Variants in NDC80 observed in about 807,000 individuals in gnomAD.
NDC80 encodes NDC80 kinetochore complex component.
A neutral mutation model predicts 89.3 loss-of-function variants in NDC80; 69 were observed. The observed-to-expected ratio is 0.77, with a 90% CI of 0.64 to 0.94. NDC80 has a LOEUF of 0.94. Among genes scored for constraint, NDC80 ranks in the 40% least tolerant of loss-of-function variants. NDC80 has a pLI of 0.00. For synonymous variants in NDC80, 243 were observed against 255.6 expected, an observed-to-expected ratio of 0.95 and a Z score of 0.47; for missense variants, 593 against 739.6, an observed-to-expected ratio of 0.80 and a Z score of 2.30.
intron 8 of NDC80, among the ~76,000 whole-genome samples, chr18:2,588,736 G>A (rs1002272521): frequency 2.8e-4 from 43 of 152,164 alleles, no homozygotes; most frequent in Non-Finnish European, 1.0e-4. Flanking sequence ...TTTGTTTTAA[G>A]AGAGGAAAAT....
intron 6 of NDC80, among the ~76,000 whole-genome samples, chr18:2,583,660 T>G (rs1324216279): frequency 6.7e-6 from 1 of 148,432 alleles, no homozygotes; most frequent in Non-Finnish European, 1.5e-5. Context: ...TCTCAGCCAC[T>G]GCACTCCAGC....
In NDC80 at chr18:2,582,874, T is replaced by G. The variant is rs917138819; in HGVS notation, c.580-2239T>G. ...TCACTATGCCTCCTTGCACAGAACTTGGCACATAATCAGTCCTTATTACAG... is the reference window on the plus strand; with the variant it reads ...TCACTATGCCTCCTTGCACAGAACTGGGCACATAATCAGTCCTTATTACAG... On this transcript the variant is annotated intron_variant, in intron 6 of 16. Transcript: ENST00000261597. The G allele has an allele frequency of 5.3e-5, 8 of 152,348 alleles. No individual in the cohort carries two copies. The East Asian group carries it at 1.3e-3, about 26-fold the overall frequency. The allele number at this position is 152,348 out of a possible 1,614,324, so 9.4% of individuals were successfully genotyped here. A position where few individuals can be genotyped will look rare whatever the true frequency, so the allele number is the denominator to read the frequency against.
At chr18:2,608,974 C>A in intron 15 of NDC80, 144 bp downstream of exon 15, 2 of 810,026 alleles carry the variant, frequency 2.5e-6, no homozygotes, top group Non-Finnish European at 3.6e-6. Context: ...AACTTAAGTA[C>A]AACTGCTTAT....
At chr18:2,611,139 C>A (rs1378438259) in intron 16 of NDC80, among the ~76,000 whole-genome samples, 2 of 150,492 alleles carry the variant, frequency 1.3e-5, no homozygotes, top group Admixed American at 6.7e-5. Flanking sequence ...ACCTCCACCT[C>A]CCAGGTTCAA....
At chr18:2,605,609 G>A (rs961453361) in intron 13 of NDC80, among the ~76,000 whole-genome samples, 1 of 151,880 alleles carries the variant, frequency 6.6e-6, no homozygotes, top group African/African-American at 2.4e-5. Flanking sequence ...AGTTCTGGGC[G>A]TATGCTAGTT....
rs539543875 is a variant in NDC80, at chr18:2,608,949, A to C, written c.1688+119A>C. The C allele has an allele frequency of 1.4e-5, 16 of 1,115,038 alleles. No homozygotes were observed. In the South Asian group the frequency reaches 2.9e-4, roughly 20 times the overall value. The allele number at this position is 1,115,038 out of a possible 1,614,324, so 69.1% of individuals were successfully genotyped here. ...ATAGTATACAGCTATTTAGGATGGA[A>C]AGAATGGTATATAGAACTTAAGTAC... On this transcript the variant is annotated intron_variant, in intron 15 of 16. Coordinates refer to ENST00000261597, the MANE Select transcript of NDC80 (RefSeq NM_006101.3).
At chr18:2,593,043 TGTGTGTGTGTG>T (rs2072635459) in intron 10 of NDC80, among the ~76,000 whole-genome samples, 2 of 133,434 alleles carry the variant, frequency 1.5e-5, no homozygotes, top group African/African-American at 6.3e-5. Flanking sequence ...TGTGTGTGTG[TGTGTGTGTGTG>T]TCTTTTTTTT....
chr18:2,601,201 A>T (rs2072682275), intron 12 of NDC80, among the ~76,000 whole-genome samples, 195 bp from the exon 13 acceptor site: 1 of 152,220 alleles, frequency 6.6e-6, no homozygotes, highest in African/African-American at 2.4e-5. Flanking sequence ...AACCAAAAGC[A>T]GGTTATAGTC....
At chr18:2,607,475 A>G (rs2072717970) in intron 14 of NDC80, among the ~76,000 whole-genome samples, 1 of 152,160 alleles carries the variant, frequency 6.6e-6, no homozygotes, top group Admixed American at 6.5e-5. Context: ...AGACTGGAAA[A>G]TACTGCTGAA....
chr18:2,574,860 C>T (rs1446469821), intron 2 of NDC80, 129 bp from the exon 3 acceptor site: 1 of 644,520 alleles, frequency 1.6e-6, no homozygotes, highest in Non-Finnish European at 2.7e-6. Context: ...GACTGCTAAA[C>T]ATTTTTATGA....
chr18:2,595,229 T>TTA (rs60668754), intron 10 of NDC80, among the ~76,000 whole-genome samples, 187 bp from the exon 11 acceptor site: 54 of 146,508 alleles, frequency 3.7e-4, no homozygotes, highest in South Asian at 6.3e-4. Flanking sequence ...ACTTTGAAAT[T>TTA]TATATATATA....
At chr18:2,571,849 G>A (rs1015133017) in intron 1 of NDC80, among the ~76,000 whole-genome samples, 166 bp downstream of exon 1, 5 of 152,104 alleles carry the variant, frequency 3.3e-5, no homozygotes, top group African/African-American at 1.2e-4. Context: ...CTGGTTTCAC[G>A]GGATCTATTA....
chr18:2,571,885 A>G (rs1269338316), intron 1 of NDC80, among the ~76,000 whole-genome samples: 1 of 152,114 alleles, frequency 6.6e-6, no homozygotes, highest in African/African-American at 2.4e-5. Context: ...CGATTTCCCA[A>G]GGAGGAAAGG....
At chr18:2,601,818 A>G (rs1260902972) in intron 13 of NDC80, among the ~76,000 whole-genome samples, 1 of 152,144 alleles carries the variant, frequency 6.6e-6, no homozygotes, top group Non-Finnish European at 1.5e-5. Flanking sequence ...GGCAAGTATA[A>G]TTACGGCGTT....
chr18:2,585,216 T>C lies in NDC80; in HGVS notation c.669+14T>C, dbSNP rs2072597775. On this transcript the variant is annotated intron_variant, in intron 7 of 16. Coordinates refer to ENST00000261597, the MANE Select transcript of NDC80 (RefSeq NM_006101.3). ...ATGCATAATAAGGTACCATGTATTA[T>C]CATAAACTGTAATAATGAATTGCCT... 4 of 1,569,724 alleles carry C rather than the reference T, an allele frequency of 2.5e-6. No homozygotes were observed. Among genetic ancestry groups the C allele is most frequent in the African/African-American group, 1.4e-5 (1 of 74,068 alleles).
chr18:2,608,128 C>T (rs990277918), intron 14 of NDC80, among the ~76,000 whole-genome samples: 2 of 147,086 alleles, frequency 1.4e-5, no homozygotes, highest in Non-Finnish European at 1.5e-5. Context: ...TCTGAAGCAT[C>T]GAATTAAAGT....
At chr18:2,597,941 G>A (rs548281236) in intron 11 of NDC80, among the ~76,000 whole-genome samples, 2 of 152,234 alleles carry the variant, frequency 1.3e-5, no homozygotes, top group East Asian at 3.9e-4. Context: ...TTATATCCAC[G>A]TCCAAGTGAA....
chr18:2,614,658 A>T (rs8082854), intron 16 of NDC80, among the ~76,000 whole-genome samples: 76 of 2,084 alleles, frequency 0.036, 22 homozygotes, highest in Non-Finnish European at 0.072. Context: ...AGAAAGAAAT[A>T]AATTTGGCAA....
chr18:2,591,916 G>A (rs1383268205), intron 10 of NDC80, among the ~76,000 whole-genome samples: 2 of 151,896 alleles, frequency 1.3e-5, no homozygotes, highest in East Asian at 3.9e-4. Flanking sequence ...CACCATGCCC[G>A]GCTACTTTTT....
Sources: gnomAD v4.1 joint callset for allele counts (sites outside exome capture counted in the v4.1 genomes callset) on GRCh38, gnomAD v4.1.1 for gene constraint, MANE v1.5 for transcripts, NCBI Gene and HGNC (gene_info 2026-07-23, HGNC 2026-07-21) for gene names.